Variants in RBMS3 observed in about 807,000 individuals in gnomAD.
The protein encoded by RBMS3 is RNA binding motif single stranded interacting protein 3, also known as RNA-binding motif, single-stranded-interacting protein 3.
In RBMS3, 27 loss-of-function variants were observed where a neutral mutation model predicts 66.8. The ratio of observed to expected loss-of-function variants is 0.40; its 90% CI spans 0.30 to 0.56. RBMS3 has a LOEUF of 0.56. RBMS3 is among the 20% of genes least tolerant of loss of function. RBMS3 has a pLI of 0.40. For missense variants in RBMS3, 513 were observed against 549.5 expected (o/e 0.93, Z 0.66); for synonymous variants, 188 against 183.0 (o/e 1.03, Z -0.22).
intron 6 of RBMS3, among the ~76,000 whole-genome samples, chr3:29,784,676 T>C (rs1254719182): frequency 6.6e-6 from 1 of 151,282 alleles, no homozygotes; most frequent in Admixed American, 6.6e-5. Context: ...AGAAAATACG[T>C]AACAAAGATC....
intron 4 of RBMS3, among the ~76,000 whole-genome samples, chr3:29,673,379 G>A (rs1041705336): frequency 7.3e-5 from 11 of 150,422 alleles, no homozygotes; most frequent in Admixed American, 2.0e-4. Flanking sequence ...CTAGCAGAAG[G>A]CAACAAATAA....
chr3:29,615,164 A>C (rs78857115), intron 4 of RBMS3: 1 of 152,590 alleles, frequency 6.6e-6, no homozygotes, highest in African/African-American at 2.4e-5. Flanking sequence ...TTCCTGCCAC[A>C]TTTTGATAAC....
intron 6 of RBMS3, among the ~76,000 whole-genome samples, chr3:29,815,252 C>T (rs1559700319): frequency 6.6e-6 from 1 of 152,178 alleles, no homozygotes; most frequent in Non-Finnish European, 1.5e-5. Flanking sequence ...GGTTTCTTAT[C>T]TGCACTCGAG....
chr3:29,754,503 C>T lies in RBMS3; in HGVS notation c.558-8407C>T, dbSNP rs374825108. On this transcript the variant is annotated intron_variant, in intron 5 of 14. Coordinates refer to ENST00000383767, the MANE Select transcript of RBMS3 (RefSeq NM_001003793.3). The stretch of plus-strand genomic sequence containing the variant: ...AGGGCTTACCCAGTTGACTGACCTC[C>T]GCTGACTCCAGTGAGGTCAGATGAA... Among the ~76,000 whole-genome samples, 11 of 152,240 alleles carry T rather than the reference C, an allele frequency of 7.2e-5. No homozygotes were observed. The East Asian group carries it at 9.7e-4, about 13-fold the overall frequency.
rs114159116 is a variant in RBMS3, at chr3:29,566,545, C to A, written c.308-20569C>A. Among the ~76,000 whole-genome samples, 267 of 151,592 alleles carry A rather than the reference C, an allele frequency of 1.8e-3. 1 individual carries two copies. Among genetic ancestry groups the A allele is most frequent in the African/African-American group, 6.2e-3 (258 of 41,310 alleles). ...GTCCCCGTTAATTGCTTGAATTCAC[C>A]CTTTACTTACCTGTCCCCAAATATT... On this transcript the variant is annotated intron_variant, in intron 3 of 14. Coordinates refer to ENST00000383767, the MANE Select transcript of RBMS3 (RefSeq NM_001003793.3).
chr3:29,298,060 A>G (rs962889242), intron 1 of RBMS3, among the ~76,000 whole-genome samples: 10 of 151,832 alleles, frequency 6.6e-5, no homozygotes, highest in African/African-American at 2.2e-4. Context: ...TCTTCCTCCA[A>G]TTACCATGAT....
At chr3:29,981,268 C>T (rs553632515) in intron 12 of RBMS3, among the ~76,000 whole-genome samples, 32 of 152,190 alleles carry the variant, frequency 2.1e-4, no homozygotes, top group African/African-American at 7.7e-4. Context: ...GTGATTTTTT[C>T]ACATTGATTT....
intron 3 of RBMS3, among the ~76,000 whole-genome samples, chr3:29,576,436 C>A (rs77682672): frequency 0.021 from 3,249 of 152,218 alleles, 131 homozygotes; most frequent in African/African-American, 0.075. Context: ...GACCTGAAAC[C>A]TGCATAGCAC....
intron 7 of RBMS3, chr3:29,880,744 C>T: frequency 6.5e-7 from 1 of 1,528,168 alleles, no homozygotes; most frequent in Non-Finnish European, 8.8e-7. Flanking sequence ...TGCATATGAC[C>T]TGACACTATC....
At chr3:29,412,935 A>G (rs1019241081) in intron 1 of RBMS3, among the ~76,000 whole-genome samples, 8 of 152,218 alleles carry the variant, frequency 5.3e-5, no homozygotes, top group African/African-American at 1.9e-4. Context: ...AGCAGCAGGA[A>G]TCAGGAGGCA....
intron 3 of RBMS3, among the ~76,000 whole-genome samples, chr3:29,552,220 A>T (rs2046202082): frequency 6.6e-6 from 1 of 152,170 alleles, no homozygotes; most frequent in Non-Finnish European, 1.5e-5. Context: ...CATGAAGAAA[A>T]CATATTTCAG....
At chr3:29,885,708 T>C (rs975285748) in intron 8 of RBMS3, among the ~76,000 whole-genome samples, 11 of 151,912 alleles carry the variant, frequency 7.2e-5, no homozygotes, top group African/African-American at 2.4e-4. Context: ...TAAATATTCA[T>C]ATTTTATAAT....
chr3:29,421,154 A>G (rs891270842), intron 1 of RBMS3, among the ~76,000 whole-genome samples: 2 of 151,876 alleles, frequency 1.3e-5, no homozygotes, highest in African/African-American at 2.4e-5. Context: ...CGTTATCACT[A>G]TTTGCCAAGT....
chr3:29,828,608 T>C (rs1008799844), intron 6 of RBMS3, among the ~76,000 whole-genome samples: 2 of 152,214 alleles, frequency 1.3e-5, no homozygotes, highest in African/African-American at 4.8e-5. Flanking sequence ...GAAATATATA[T>C]TTTAAAATTT....
intron 6 of RBMS3, among the ~76,000 whole-genome samples, chr3:29,793,380 A>G (rs748685594): frequency 6.6e-5 from 10 of 152,162 alleles, no homozygotes; most frequent in Non-Finnish European, 1.5e-4. Context: ...TAAGAACCTG[A>G]ATGATTCTTA....
rs867636115 is a variant in RBMS3 at position 29,837,625 on chromosome 3, T to A, written c.638-31233T>A. The stretch of plus-strand genomic sequence containing the variant: ...AGTAACTTTGGACATAAAGATCAAA[T>A]TAGCAGATATATATAATGAACATAT... On this transcript the variant is annotated intron_variant, in intron 6 of 14. Coordinates refer to ENST00000383767, the MANE Select transcript of RBMS3 (RefSeq NM_001003793.3). 1.5e-3 allele frequency among the ~76,000 whole-genome samples: 201 copies of A among 131,770 alleles called. 1 individual carries two copies. The highest frequency in any genetic ancestry group is 5.5e-3 in the African/African-American group (191 of 34,510). The allele number at this position is 131,770 out of a possible 152,430, so 86.4% of individuals were successfully genotyped here. A position where few individuals can be genotyped will look rare whatever the true frequency, so the allele number is the denominator to read the frequency against.
rs1187054306 is a variant in RBMS3 at position 29,899,763 on chromosome 3, T to C, written c.939+8T>C. 1 of 1,609,070 alleles carries C rather than the reference T, an allele frequency of 6.2e-7. No individual in the cohort carries two copies. The highest frequency in any genetic ancestry group is 8.5e-7 in the Non-Finnish European group (1 of 1,177,118). On this transcript the variant is annotated splice_region_variant and intron_variant, in intron 10 of 14. Transcript: ENST00000383767. ...TACGTTATGCAACCAACAGTAAGTG[T>C]TCTCAGTCACCTGAGGCTAATATTT...
chr3:29,608,233 A>G (rs1212881977), intron 4 of RBMS3, among the ~76,000 whole-genome samples: 1 of 151,922 alleles, frequency 6.6e-6, no homozygotes, highest in Non-Finnish European at 1.5e-5. Context: ...TTCATCATCC[A>G]GATTGAGGTA....
In RBMS3 at chr3:29,400,616, C is replaced by T. The variant is rs187936280; in HGVS notation, c.76-34127C>T. Among the ~76,000 whole-genome samples, 23 of 151,736 alleles carry T rather than the reference C, an allele frequency of 1.5e-4. No individual in the cohort carries two copies. In the East Asian group the frequency reaches 4.3e-3, roughly 28 times the overall value. On this transcript the variant is annotated intron_variant, in intron 1 of 14. Coordinates refer to ENST00000383767, the MANE Select transcript of RBMS3 (RefSeq NM_001003793.3). ...CAATAAAAAACAAAGACAAGCAGAACAAAAGCGAGGTAGCTGCAATCAATT... is the reference window on the plus strand; with the variant it reads ...CAATAAAAAACAAAGACAAGCAGAATAAAAGCGAGGTAGCTGCAATCAATT...
Sources: allele counts gnomAD v4.1 joint callset (sites outside exome capture counted in the v4.1 genomes callset), GRCh38; gene constraint gnomAD v4.1.1; transcripts MANE v1.5; gene names NCBI Gene and HGNC (gene_info 2026-07-23, HGNC 2026-07-21).